TLN2: variants seen among roughly 807,000 people sequenced by gnomAD.
TLN2 encodes the protein talin 2, also known as talin-2.
TLN2 carries 118 observed loss-of-function variants against 294.7 expected under a neutral mutation model. The ratio of observed to expected loss-of-function variants is 0.40; its 90% confidence interval spans 0.34 to 0.47. TLN2 has a LOEUF of 0.47. Among genes scored for constraint, TLN2 ranks in the 20% least tolerant of loss-of-function variants. TLN2 has a pLI of 0.84. For missense variants in TLN2, 3,083 were observed against 3,282.2 expected (o/e 0.94, Z 1.48); for synonymous variants, 1,431 against 1,304.5 (o/e 1.10, Z -2.09).
At chr15:62,459,405 T>A (rs1273702500) in intron 1 of TLN2, among the ~76,000 whole-genome samples, 2 of 151,968 alleles carry the variant, frequency 1.3e-5, no homozygotes, top group African/African-American at 4.8e-5. Flanking sequence ...TGCACTTTAT[T>A]TTAAAAGGGG....
intron 37 of TLN2, among the ~76,000 whole-genome samples, chr15:62,760,070 G>A (rs2062565921): frequency 6.6e-6 from 1 of 152,200 alleles, no homozygotes; most frequent in African/African-American, 2.4e-5. Flanking sequence ...AGTGAGAAAT[G>A]AGGCTTTATA....
chr15:62,802,763 G>A (rs2066020778), intron 50 of TLN2, among the ~76,000 whole-genome samples: 1 of 152,108 alleles, frequency 6.6e-6, no homozygotes, highest in African/African-American at 2.4e-5. Flanking sequence ...TTGGATATAA[G>A]CCATTTTAAC....
chr15:62,419,473 A>G (rs201869857), intron 1 of TLN2, among the ~76,000 whole-genome samples: 149 of 152,312 alleles, frequency 9.8e-4, no homozygotes, highest in Non-Finnish European at 1.8e-3. Flanking sequence ...ATTATGTATC[A>G]GAGCTGCCAC....
rs796356430 is a variant in TLN2, at chr15:62,670,480, T to C, written c.789-3347T>C. 2.6e-5 allele frequency among the ~76,000 whole-genome samples: 4 copies of C among 152,348 alleles called. No homozygotes were observed. The South Asian group carries it at 6.2e-4, about 24-fold the overall frequency. ...CATTTTTGCCCATGGAGTTGCTTAA[T>C]GATAATTTTAATATCTAAACTGCTG... On this transcript the variant is annotated intron_variant, in intron 9 of 58. Transcript: ENST00000636159.
chr15:62,458,353 C>A (rs534418845), intron 1 of TLN2, among the ~76,000 whole-genome samples: 23 of 152,280 alleles, frequency 1.5e-4, no homozygotes, highest in African/African-American at 5.3e-4. Flanking sequence ...CATTTGGAAT[C>A]TCTTTCACAT....
At chr15:62,784,149 C>G in intron 45 of TLN2, 1 of 521,802 alleles carries the variant, frequency 1.9e-6, no homozygotes, top group Non-Finnish European at 3.3e-6. Context: ...ATACAGTGTT[C>G]TATCAGGTCC....
intron 1 of TLN2, among the ~76,000 whole-genome samples, chr15:62,399,750 A>C (rs1162811627): frequency 6.6e-6 from 1 of 152,130 alleles, no homozygotes; most frequent in Non-Finnish European, 1.5e-5. Flanking sequence ...ATTTGGAATG[A>C]GTGTATTTAG....
At position 62,708,604 on chromosome 15, in the gene TLN2, G is replaced by A. The variant is rs753471877; in HGVS notation, c.2275G>A (p.Ala759Thr). 3 of 1,614,230 alleles carry A rather than the reference G, an allele frequency of 1.9e-6. No individual in the cohort carries two copies. The highest frequency in any genetic ancestry group is 2.2e-5 in the East Asian group (1 of 44,890). Residue 759 changes from alanine (A) to threonine (T), a missense_variant, in exon 21 of 59, where the codon GCG (alanine) becomes ACG (threonine). Coordinates refer to ENST00000636159, the MANE Select transcript of TLN2 (RefSeq NM_015059.3). ...SVENCVRACQ[A>T]ATTDSELLKQ... ...GGAGAACTGTGTCCGTGCCTGCCAG[G>A]CGGCCACTACCGATAGTGAGCTCCT...
rs778284632 is a variant in TLN2, at chr15:62,795,397, T to C, written c.5884-730T>C. Reference sequence around the variant, plus strand: ...AGCAGGGTGTTAGTGTGGTCAGGTTTATGTCATAGGAAAGTACCTCGGAGC... The same window carrying C: ...AGCAGGGTGTTAGTGTGGTCAGGTTCATGTCATAGGAAAGTACCTCGGAGC... On this transcript the variant is annotated intron_variant, in intron 46 of 58. Transcript: ENST00000636159. Among the ~76,000 whole-genome samples the C allele has an allele frequency of 5.9e-5, 9 of 152,142 alleles. No homozygotes were observed. In the East Asian group the frequency reaches 1.4e-3, roughly 23 times the overall value.
chr15:62,492,769 T>G (rs554737001), intron 1 of TLN2, among the ~76,000 whole-genome samples: 1 of 152,286 alleles, frequency 6.6e-6, no homozygotes, highest in Non-Finnish European at 1.5e-5. Flanking sequence ...TCCAAATAAT[T>G]GCCTTTTGTT....
chr15:62,548,022 G>A (rs941970336), intron 1 of TLN2, among the ~76,000 whole-genome samples: 7 of 152,184 alleles, frequency 4.6e-5, no homozygotes, highest in Non-Finnish European at 8.8e-5. Flanking sequence ...TTTGCAAGGG[G>A]TTGCAAACAT....
At chr15:62,595,871 A>T (rs7162434) in intron 2 of TLN2, among the ~76,000 whole-genome samples, 1 of 151,994 alleles carries the variant, frequency 6.6e-6, no homozygotes, top group Admixed American at 6.5e-5. Context: ...GAAAAGTAGA[A>T]AGAGGTGGTT....
chr15:62,774,405 T>C (rs569317254), intron 42 of TLN2, among the ~76,000 whole-genome samples: 135 of 152,098 alleles, frequency 8.9e-4, no homozygotes, highest in African/African-American at 3.1e-3. Flanking sequence ...ATGCCACTTA[T>C]GAGATTGCTG....
chr15:62,428,622 A>T (rs2034845574), intron 1 of TLN2, among the ~76,000 whole-genome samples: 1 of 152,174 alleles, frequency 6.6e-6, no homozygotes, highest in Admixed American at 6.5e-5. Context: ...ATCTCTTTAG[A>T]TTCTTTCCCA....
At chr15:62,469,945 G>GGT (rs1344008626) in intron 1 of TLN2, among the ~76,000 whole-genome samples, 10 of 151,618 alleles carry the variant, frequency 6.6e-5, no homozygotes, top group Non-Finnish European at 1.0e-4. Context: ...TTTGTGTGGG[G>GGT]GTGTGTGTGT....
chr15:62,401,703 G>T (rs552720827), intron 1 of TLN2, among the ~76,000 whole-genome samples: 1 of 152,206 alleles, frequency 6.6e-6, no homozygotes, highest in South Asian at 2.1e-4. Context: ...TTAGCATCTG[G>T]CCCACAGTCC....
intron 1 of TLN2, among the ~76,000 whole-genome samples, chr15:62,410,376 C>G (rs867407670): frequency 6.6e-6 from 1 of 152,070 alleles, no homozygotes; most frequent in Admixed American, 6.5e-5. Context: ...GCAAGATTTA[C>G]AGGCATTTGT....
chr15:62,840,756 C>G lies in TLN2; in HGVS notation c.*146C>G, dbSNP rs2070585465. 1.5e-5 allele frequency: 17 copies of G among 1,166,846 alleles called. No individual in the cohort carries two copies. The allele number at this position is 1,166,846 out of a possible 1,614,324, so 72.3% of individuals were successfully genotyped here. On this transcript the variant is annotated 3_prime_UTR_variant, in exon 59 of 59. Transcript: ENST00000636159. ...GCCCTGCGTGCTTGTTCTCACATCT[C>G]TGTCCCGTCGGCACTGGCTGCATGA...
chr15:62,414,488 A>C lies in TLN2; in HGVS notation c.-238+23803A>C, dbSNP rs1355531812. ...CAGTATCACCTGGGAACTTACTACAAATGCAAATTCTCCAACCTCACCCCC... is the reference window on the plus strand; with the variant it reads ...CAGTATCACCTGGGAACTTACTACACATGCAAATTCTCCAACCTCACCCCC... On this transcript the variant is annotated intron_variant, in intron 1 of 58. Coordinates refer to ENST00000636159, the MANE Select transcript of TLN2 (RefSeq NM_015059.3). 5.7e-5 allele frequency among the ~76,000 whole-genome samples: 8 copies of C among 139,694 alleles called. 1 individual carries two copies. Among genetic ancestry groups the C allele is most frequent in the Non-Finnish European group, 1.2e-4 (8 of 65,666 alleles). 91.6% of individuals were successfully genotyped at this position (139,694 alleles called of 152,430 possible). A position where few individuals can be genotyped will look rare whatever the true frequency, so the allele number is the denominator to read the frequency against.
Sources: allele counts gnomAD v4.1 joint callset (sites outside exome capture counted in the v4.1 genomes callset), GRCh38; gene constraint gnomAD v4.1.1; transcripts MANE v1.5; gene names NCBI Gene and HGNC (gene_info 2026-07-23, HGNC 2026-07-21).